NRG1: variants seen among roughly 807,000 people sequenced by gnomAD.
The protein encoded by NRG1 is neuregulin 1.
NRG1 carries 18 observed loss-of-function variants against 63.8 expected under a neutral mutation model. That is an observed-to-expected ratio of 0.28 (90% CI 0.19 to 0.42). NRG1 has a LOEUF of 0.42. Ranked by LOEUF, NRG1 falls within the 10% of genes least tolerant of loss-of-function variation. The pLI is 1.00. For missense variants in NRG1, 762 were observed against 814.7 expected (o/e 0.94, Z 0.79); for synonymous variants, 302 against 301.3 (o/e 1.00, Z -0.02).
At chr8:32,329,043 A>G (rs1563320860) in intron 1 of NRG1, among the ~76,000 whole-genome samples, 1 of 152,170 alleles carries the variant, frequency 6.6e-6, no homozygotes, top group Non-Finnish European at 1.5e-5. Context: ...ACCTCAGATC[A>G]CTGCAGCCTC....
chr8:32,067,758 A>G (rs1825099952), intron 1 of NRG1, among the ~76,000 whole-genome samples: 1 of 152,216 alleles, frequency 6.6e-6, no homozygotes, highest in South Asian at 2.1e-4. Context: ...CAAGTACATT[A>G]ACTATGTCTT....
chr8:32,324,898 TA>T (rs1360469376), intron 1 of NRG1, among the ~76,000 whole-genome samples: 19 of 152,280 alleles, frequency 1.2e-4, no homozygotes, highest in African/African-American at 4.3e-4. Context: ...GAAATCTACA[TA>T]AATCTCTCTG....
At chr8:32,120,359 A>G (rs976736451) in intron 1 of NRG1, among the ~76,000 whole-genome samples, 2 of 152,090 alleles carry the variant, frequency 1.3e-5, no homozygotes, top group Non-Finnish European at 2.9e-5. Flanking sequence ...TAGACCACTT[A>G]CTAGTGGTAT....
intron 1 of NRG1, among the ~76,000 whole-genome samples, chr8:31,964,314 A>T (rs561054116): frequency 6.6e-6 from 1 of 152,230 alleles, no homozygotes; most frequent in African/African-American, 2.4e-5. Flanking sequence ...TCATAGACAG[A>T]TAAATGAAGT....
At chr8:31,793,767 G>C (rs1172213798) in intron 1 of NRG1, among the ~76,000 whole-genome samples, 1 of 152,118 alleles carries the variant, frequency 6.6e-6, no homozygotes, top group Non-Finnish European at 1.5e-5. Flanking sequence ...TTTTCTACTT[G>C]TGAGATTTGG....
intron 1 of NRG1, among the ~76,000 whole-genome samples, chr8:32,129,463 C>G (rs1042796882): frequency 1.3e-5 from 2 of 152,076 alleles, no homozygotes; most frequent in African/African-American, 4.8e-5. Context: ...TCCTGCATGT[C>G]TCTCTTTGCA....
chr8:31,833,363 C>A (rs375948025), intron 1 of NRG1, among the ~76,000 whole-genome samples: 1 of 152,166 alleles, frequency 6.6e-6, no homozygotes, highest in African/African-American at 2.4e-5. Context: ...TATGAATATC[C>A]TTCTGGAAGC....
chr8:31,715,658 A>G (rs1812280411), intron 1 of NRG1, among the ~76,000 whole-genome samples: 1 of 152,204 alleles, frequency 6.6e-6, no homozygotes, highest in Non-Finnish European at 1.5e-5. Flanking sequence ...AGTTGGCACC[A>G]TAATTACTTT....
chr8:32,048,247 C>T (rs1821330724), intron 1 of NRG1, among the ~76,000 whole-genome samples: 1 of 150,390 alleles, frequency 6.6e-6, no homozygotes, highest in African/African-American at 2.5e-5. Context: ...CTTTGAAATA[C>T]TTATTTCATA....
At chr8:32,635,065 G>C (rs1233056277) in intron 5 of NRG1, among the ~76,000 whole-genome samples, 2 of 152,126 alleles carry the variant, frequency 1.3e-5, no homozygotes, top group African/African-American at 4.8e-5. Flanking sequence ...TTCACAGTCA[G>C]GCTTCTCTTC....
chr8:32,461,957 G>A (rs12056349), intron 1 of NRG1, among the ~76,000 whole-genome samples: 47,243 of 151,944 alleles, frequency 0.31, 7,583 homozygotes, highest in South Asian at 0.35. Context: ...TTTTAGATGC[G>A]AAGTTCCCAA....
intron 2 of NRG1, among the ~76,000 whole-genome samples, chr8:32,598,365 AT>A (rs144057377): frequency 0.4 from 61,242 of 151,858 alleles, 13,703 homozygotes; most frequent in South Asian, 0.5. Context: ...GAGAAAATGA[AT>A]TTTTTTAAAA....
intron 5 of NRG1, among the ~76,000 whole-genome samples, chr8:32,640,562 C>T (rs868215315): frequency 6.7e-6 from 1 of 148,980 alleles, no homozygotes; most frequent in African/African-American, 2.5e-5. Flanking sequence ...CTGCCATTTG[C>T]CCCTCATCCT....
At chr8:32,280,919 T>A (rs577054998) in intron 1 of NRG1, among the ~76,000 whole-genome samples, 2 of 149,710 alleles carry the variant, frequency 1.3e-5, no homozygotes, top group South Asian at 4.3e-4. Context: ...ACCATGATGC[T>A]CAGCTAATTT....
intron 1 of NRG1, among the ~76,000 whole-genome samples, chr8:32,486,956 A>G (rs891313211): frequency 6.6e-6 from 1 of 152,136 alleles, no homozygotes; most frequent in African/African-American, 2.4e-5. Flanking sequence ...CCAACTCTCA[A>G]TTGTCTTTCC....
intron 1 of NRG1, among the ~76,000 whole-genome samples, chr8:32,347,935 C>T (rs891722290): frequency 1.4e-4 from 21 of 152,202 alleles, no homozygotes; most frequent in East Asian, 3.9e-4. Flanking sequence ...AGAAAGGCCA[C>T]GGGCACTCTC....
chr8:31,932,047 T>C (rs1054700939), intron 1 of NRG1, among the ~76,000 whole-genome samples: 9 of 152,090 alleles, frequency 5.9e-5, no homozygotes, highest in African/African-American at 2.2e-4. Flanking sequence ...TGAACCCAAA[T>C]AGGTCCTTAA....
chr8:31,787,918 G>A (rs909532641), intron 1 of NRG1, among the ~76,000 whole-genome samples: 1 of 152,080 alleles, frequency 6.6e-6, no homozygotes, highest in Non-Finnish European at 1.5e-5. Context: ...CTATGTGTCA[G>A]GCATTATTTT....
intron 1 of NRG1, among the ~76,000 whole-genome samples, chr8:31,785,120 G>A (rs934856385): frequency 6.6e-6 from 1 of 152,104 alleles, no homozygotes; most frequent in Non-Finnish European, 1.5e-5. Context: ...AAAAGGCAGT[G>A]GAGGTGATGT....
Sources: allele counts gnomAD v4.1 joint callset (sites outside exome capture counted in the v4.1 genomes callset), GRCh38; gene constraint gnomAD v4.1.1; transcripts MANE v1.5; gene names NCBI Gene and HGNC (gene_info 2026-07-23, HGNC 2026-07-21).